TPRG1: variants seen among roughly 807,000 people sequenced by gnomAD.
The protein encoded by TPRG1 is tumor protein p63 regulated 1, also known as tumor protein p63-regulated gene 1 protein.
TPRG1 carries 29 observed loss-of-function variants against 29.3 expected under a neutral mutation model. The observed-to-expected ratio is 0.99, with a 90% CI of 0.74 to 1.35. TPRG1 has a LOEUF of 1.35. TPRG1 is among the 40% of genes most tolerant of loss of function. TPRG1 has a pLI of 0.00. For missense variants in TPRG1, 327 were observed against 335.0 expected, an observed-to-expected ratio of 0.98 and a Z score of 0.19; for synonymous variants, 130 against 116.8, an observed-to-expected ratio of 1.11 and a Z score of -0.73.
At chr3:189,204,554 GTTTCCTTCT>G (rs1282982008) in intron 1 of TPRG1, among the ~76,000 whole-genome samples, 7 of 152,184 alleles carry the variant, frequency 4.6e-5, no homozygotes. Context: ...GGAGCTGAGA[GTTTCCTTCT>G]TTCCTGGATC....
chr3:189,008,675 T>C (rs1483586755), intron 3 of TPRG1, among the ~76,000 whole-genome samples: 1 of 152,074 alleles, frequency 6.6e-6, no homozygotes. Flanking sequence ...AGCAATGGGA[T>C]TATTAATTTG....
intron 4 of TPRG1, among the ~76,000 whole-genome samples, chr3:189,060,207 G>A (rs773558728): frequency 3.3e-4 from 51 of 152,250 alleles, no homozygotes; most frequent in Non-Finnish European, 6.0e-4. Flanking sequence ...ACTCCAGCCT[G>A]GGCAACAAGA....
At chr3:189,120,920 G>T (rs1721754707) in intron 1 of TPRG1, among the ~76,000 whole-genome samples, 1 of 152,204 alleles carries the variant, frequency 6.6e-6, no homozygotes, top group South Asian at 2.1e-4. Flanking sequence ...TGTGCAGGAA[G>T]TGGGAAAATT....
intron 4 of TPRG1, chr3:189,267,630 A>AGTT (rs1714343483): frequency 6.6e-6 from 1 of 151,458 alleles, no homozygotes; most frequent in African/African-American, 2.4e-5. Flanking sequence ...AAGTGTGAAA[A>AGTT]GTTGTTTAAG....
intron 4 of TPRG1, among the ~76,000 whole-genome samples, chr3:189,059,450 G>T (rs1715947108): frequency 6.6e-6 from 1 of 151,992 alleles, no homozygotes; most frequent in Non-Finnish European, 1.5e-5. Flanking sequence ...AAATTAGCTG[G>T]GTGTGGTGGC....
intron 3 of TPRG1, among the ~76,000 whole-genome samples, chr3:189,144,711 A>G (rs1280741958): frequency 7.4e-6 from 1 of 135,864 alleles, no homozygotes; most frequent in Non-Finnish European, 1.6e-5. Flanking sequence ...TTTGAAGAAA[A>G]GACACTGATC....
intron 3 of TPRG1, among the ~76,000 whole-genome samples, chr3:189,227,209 T>C (rs1208698821): frequency 3.3e-5 from 5 of 151,618 alleles, no homozygotes; most frequent in African/African-American, 9.7e-5. Flanking sequence ...ATGCCTGTGG[T>C]CCCAGCTACT....
intron 3 of TPRG1, among the ~76,000 whole-genome samples, chr3:189,146,872 G>T (rs920222848): frequency 1.3e-5 from 2 of 152,208 alleles, no homozygotes; most frequent in Non-Finnish European, 2.9e-5. Context: ...ATCATTTCTA[G>T]AGAGTTGTGC....
At chr3:189,186,370 C>T (rs1237417191) in intron 1 of TPRG1, among the ~76,000 whole-genome samples, 2 of 152,160 alleles carry the variant, frequency 1.3e-5, no homozygotes, top group African/African-American at 4.8e-5. Flanking sequence ...TGGGAGGGAA[C>T]AGCTAATGAA....
intron 1 of TPRG1, among the ~76,000 whole-genome samples, chr3:189,180,630 TAGAC>T (rs1460123469): frequency 6.6e-6 from 1 of 152,224 alleles, no homozygotes; most frequent in Non-Finnish European, 1.5e-5. Context: ...CCAATGGTCT[TAGAC>T]AGCTCCATCC....
intron 4 of TPRG1, among the ~76,000 whole-genome samples, chr3:189,029,303 A>G (rs1239670917): frequency 6.6e-6 from 1 of 152,198 alleles, no homozygotes; most frequent in African/African-American, 2.4e-5. Context: ...TTAGAGATGC[A>G]ATGTTTTATG....
At chr3:189,074,121 T>C (rs1161393224) in intron 4 of TPRG1, among the ~76,000 whole-genome samples, 1 of 151,956 alleles carries the variant, frequency 6.6e-6, no homozygotes, top group Non-Finnish European at 1.5e-5. Flanking sequence ...TGGGCTGCTG[T>C]ATAGATTTGG....
intron 1 of TPRG1, among the ~76,000 whole-genome samples, chr3:188,997,446 A>G (rs1394187025): frequency 6.6e-6 from 1 of 152,144 alleles, no homozygotes; most frequent in Non-Finnish European, 1.5e-5. Flanking sequence ...AAATACATCA[A>G]ACTCTGAGGA....
At chr3:189,014,415 C>T (rs1158058328) in intron 3 of TPRG1, among the ~76,000 whole-genome samples, 1 of 152,058 alleles carries the variant, frequency 6.6e-6, no homozygotes, top group Non-Finnish European at 1.5e-5. Flanking sequence ...GGTGACTTGG[C>T]CTTTCTCTCT....
intron 3 of TPRG1, among the ~76,000 whole-genome samples, chr3:189,018,993 A>G (rs1713123226): frequency 6.6e-6 from 1 of 152,162 alleles, no homozygotes; most frequent in African/African-American, 2.4e-5. Context: ...CTTTGAAGCA[A>G]TTGTGAATGG....
At chr3:189,277,971 G>C (rs192410661) in intron 4 of TPRG1, among the ~76,000 whole-genome samples, 2 of 152,148 alleles carry the variant, frequency 1.3e-5, no homozygotes, top group Non-Finnish European at 2.9e-5. Context: ...CTGAAGCCAC[G>C]TCGAAGCCTA....
chr3:189,167,092 G>A (rs1355086034), upstream of TPRG1, among the ~76,000 whole-genome samples: 1 of 152,194 alleles, frequency 6.6e-6, no homozygotes, highest in African/African-American at 2.4e-5. Context: ...GGTGGGCTGT[G>A]GTGGTTGCCT....
At chr3:189,101,176 A>C (rs1719153893) in intron 1 of TPRG1, among the ~76,000 whole-genome samples, 1 of 151,928 alleles carries the variant, frequency 6.6e-6, no homozygotes, top group Non-Finnish European at 1.5e-5. Context: ...GTACCCTTGA[A>C]GTTTGCCTGT....
At chr3:189,170,039 C>G (rs1560509513), upstream of TPRG1, among the ~76,000 whole-genome samples, 1 of 152,210 alleles carries the variant, frequency 6.6e-6, no homozygotes, top group Non-Finnish European at 1.5e-5. Flanking sequence ...CAATTGATGT[C>G]TTTTCACAGA....
Sources: gnomAD v4.1 joint callset for allele counts (sites outside exome capture counted in the v4.1 genomes callset) on GRCh38, gnomAD v4.1.1 for gene constraint, MANE v1.5 for transcripts, NCBI Gene and HGNC (gene_info 2026-07-23, HGNC 2026-07-21) for gene names.